The following USP45 variants were observed in gnomAD, a reference collection of about 807,000 sequenced individuals.
The protein encoded by USP45 is ubiquitin carboxyl-terminal hydrolase 45.
In USP45, 89 loss-of-function variants were observed where a neutral mutation model predicts 95.8. The ratio of observed to expected loss-of-function variants is 0.93; its 90% CI spans 0.78 to 1.11. USP45 has a LOEUF of 1.11. Among genes scored for constraint, USP45 ranks in the 50% least tolerant of loss-of-function variants. The probability of loss-of-function intolerance (pLI) is 0.00; values close to 1 mark genes in which losing one functional copy is unlikely to be tolerated. For synonymous variants in USP45, 281 were observed against 316.2 expected, an observed-to-expected ratio of 0.89 and a Z score of 1.18; for missense variants, 898 against 942.5, an observed-to-expected ratio of 0.95 and a Z score of 0.62.
intron 8 of USP45, among the ~76,000 whole-genome samples, chr6:99,481,572 T>C (rs1431594961): frequency 6.6e-6 from 1 of 152,226 alleles, no homozygotes; most frequent in Non-Finnish European, 1.5e-5. Context: ...TATCTGGGTA[T>C]ATTGTGTGAT....
chr6:99,458,948 T>C (rs746341867), intron 13 of USP45, among the ~76,000 whole-genome samples: 4 of 152,320 alleles, frequency 2.6e-5, no homozygotes, highest in Admixed American at 6.5e-5. Context: ...TGCATATAAG[T>C]CACAGACTTG....
chr6:99,465,342 A>C (rs12191324), intron 11 of USP45, among the ~76,000 whole-genome samples: 22,208 of 152,080 alleles, frequency 0.15, 2,296 homozygotes, highest in Non-Finnish European at 0.21. Flanking sequence ...TGGTGATCCA[A>C]TTGAATTTTA....
intron 9 of USP45, among the ~76,000 whole-genome samples, chr6:99,471,054 T>A (rs1231376676): frequency 6.6e-6 from 1 of 152,214 alleles, no homozygotes; most frequent in African/African-American, 2.4e-5. Flanking sequence ...GCTAAAAAGC[T>A]GTGATTACAC....
intron 15 of USP45, 39 bp from the exon 16 acceptor site, chr6:99,439,894 G>A: frequency 6.7e-7 from 1 of 1,502,728 alleles, no homozygotes; most frequent in African/African-American, 1.4e-5. Flanking sequence ...GCAACAATTA[G>A]AAATAAAGCA....
rs1204862059 is a variant in USP45 at position 99,462,599 on chromosome 6, T to G, written c.1308+2005A>C. 13 of 985,250 alleles carry G rather than the reference T, an allele frequency of 1.3e-5. No individual in the cohort carries two copies. In the African/African-American group the frequency reaches 2.3e-4, roughly 17 times the overall value. 61.0% of individuals were successfully genotyped at this position (985,250 alleles called of 1,614,324 possible). A position where few individuals can be genotyped will look rare whatever the true frequency, so the allele number is the denominator to read the frequency against. ...TTGAATTTAACTGTCCTATATATCT[T>G]ATGAAGCAAAATTAGCTTTTATTTA... On this transcript the variant is annotated intron_variant, in intron 13 of 17. Transcript: ENST00000500704.
chr6:99,481,829 G>A (rs9389404), intron 8 of USP45, among the ~76,000 whole-genome samples: 16 of 151,992 alleles, frequency 1.1e-4, no homozygotes, highest in East Asian at 5.8e-4. Flanking sequence ...CCATGTTGTC[G>A]CAAAGAATAT....
Position 99,488,280 on chromosome 6 carries a change from AAGT to A in USP45, c.631_633del (p.Thr211del). On this transcript the variant is annotated inframe_deletion, in exon 7 of 18. Coordinates refer to ENST00000500704, the MANE Select transcript of USP45 (RefSeq NM_001346022.3). The stretch of plus-strand genomic sequence containing the variant: ...TCATTCATCAGATCAGTAAGAGTAT[AAGT>A]CTGTGCCAAGTTCTAAAAGAAAACA... 1 of 1,607,372 alleles carries A rather than the reference AAGT, an allele frequency of 6.2e-7. No homozygotes were observed. The highest frequency in any genetic ancestry group is 8.5e-7 in the Non-Finnish European group (1 of 1,177,876).
At chr6:99,460,698 A>G in intron 13 of USP45, 1 of 786,132 alleles carries the variant, frequency 1.3e-6, no homozygotes, top group Non-Finnish European at 1.5e-6. Flanking sequence ...GATTGGTAAA[A>G]TAATAGAAAG....
chr6:99,501,492 C>T (rs533710756), intron 5 of USP45, among the ~76,000 whole-genome samples: 68 of 152,342 alleles, frequency 4.5e-4, no homozygotes, highest in South Asian at 2.7e-3. Context: ...TTCTTGATCA[C>T]TGTGACTACT....
At chr6:99,482,464 T>C (rs989591860) in intron 8 of USP45, 1 of 318,528 alleles carries the variant, frequency 3.1e-6, no homozygotes, top group African/African-American at 2.1e-5. Context: ...TATTACAACA[T>C]AGGCATCCAA....
chr6:99,513,542 T>C (rs1800415086), intron 1 of USP45, among the ~76,000 whole-genome samples: 1 of 152,216 alleles, frequency 6.6e-6, no homozygotes, highest in African/African-American at 2.4e-5. Context: ...AGAAACTGAT[T>C]ATATTTTCTC....
At chr6:99,439,920 A>G in intron 15 of USP45, 65 bp from the exon 16 acceptor site, 1 of 1,322,932 alleles carries the variant, frequency 7.6e-7, no homozygotes, top group South Asian at 1.4e-5. Context: ...TTTGTTAACT[A>G]AAACCAAAAG....
At chr6:99,485,330 G>A (rs1793623693) in intron 7 of USP45, among the ~76,000 whole-genome samples, 1 of 152,024 alleles carries the variant, frequency 6.6e-6, no homozygotes, top group Non-Finnish European at 1.5e-5. Flanking sequence ...GGGTGACAGA[G>A]CAAGACTCCA....
chr6:99,517,769 C>A (rs1403009929), upstream of USP45, among the ~76,000 whole-genome samples: 1 of 151,610 alleles, frequency 6.6e-6, no homozygotes, highest in Non-Finnish European at 1.5e-5. Context: ...CAAATTGAAC[C>A]AGATATCAAG....
At chr6:99,515,537 C>T (rs1801016997), upstream of USP45, 1 of 152,186 alleles carries the variant, frequency 6.6e-6, no homozygotes, top group South Asian at 2.1e-4. Flanking sequence ...CCCGGGAGCG[C>T]GGGGAGGGGT....
intron 1 of USP45, among the ~76,000 whole-genome samples, chr6:99,513,250 C>A (rs1800322106): frequency 6.6e-6 from 1 of 152,254 alleles, no homozygotes; most frequent in East Asian, 1.9e-4. Context: ...CTTAAGAAAG[C>A]AGACTAGGTC....
intron 13 of USP45, among the ~76,000 whole-genome samples, chr6:99,459,394 A>G (rs1428395853): frequency 1.3e-5 from 2 of 152,164 alleles, no homozygotes; most frequent in Non-Finnish European, 2.9e-5. Flanking sequence ...ACTGATCAGC[A>G]TTTAGGTTGA....
In USP45 at chr6:99,450,600, G is replaced by GAGGT. The variant is rs540044502; in HGVS notation, c.1309-4141_1309-4138dup. Among the ~76,000 whole-genome samples, 81 of 152,286 alleles carry GAGGT rather than the reference G, an allele frequency of 5.3e-4. 2 individuals carry two copies. The East Asian group carries it at 0.014, about 26-fold the overall frequency. On this transcript the variant is annotated intron_variant, in intron 13 of 17. Coordinates refer to ENST00000500704, the MANE Select transcript of USP45 (RefSeq NM_001346022.3). ...ACGGATTCACAGCCGAATTCTACCA[G>GAGGT]AGGTACAAGGAGGAGCTGGTACCAT... is the stretch of plus-strand genomic sequence containing the variant.
intron 1 of USP45, chr6:99,514,847 C>T (rs1019160590): frequency 1.3e-5 from 2 of 152,250 alleles, no homozygotes; most frequent in African/African-American, 4.8e-5. Flanking sequence ...GCAACCCTCA[C>T]AACCACCTTA....
Sources: allele counts gnomAD v4.1 joint callset (sites outside exome capture counted in the v4.1 genomes callset), GRCh38; gene constraint gnomAD v4.1.1; transcripts MANE v1.5; gene names NCBI Gene and HGNC (gene_info 2026-07-23, HGNC 2026-07-21).